Variants in CDHR1 observed in about 807,000 individuals in gnomAD.
The protein encoded by CDHR1 is cadherin-related family member 1.
Under a neutral mutation model 72.1 loss-of-function variants are expected in CDHR1, and 61 were observed. The ratio of observed to expected loss-of-function variants is 0.85; its 90% CI spans 0.69 to 1.05. CDHR1 has a LOEUF of 1.05. CDHR1 is among the 50% of genes least tolerant of loss of function. The pLI is 0.00. For synonymous variants in CDHR1, 470 were observed against 448.1 expected, an observed-to-expected ratio of 1.05 and a Z score of -0.62; for missense variants, 1,186 against 1,115.7, an observed-to-expected ratio of 1.06 and a Z score of -0.90.
intron 8 of CDHR1, among the ~76,000 whole-genome samples, chr10:84,203,652 G>A (rs1842171677): frequency 6.6e-6 from 1 of 152,202 alleles, no homozygotes; most frequent in Non-Finnish European, 1.5e-5. Context: ...CTGACCTCAG[G>A]TGATCCACCC....
chr10:84,197,787 G>A lies in CDHR1; in HGVS notation c.299G>A (p.Arg100Lys), dbSNP rs1307467040. ...ITLVEELDRE[R>K]EDEIEAIISI... ...TCACTCAGTCCCTGTGCTTCACAGAGGGAAGATGAGATTGAAGCCATCATC... is the reference window on the plus strand; with the variant it reads ...TCACTCAGTCCCTGTGCTTCACAGAAGGAAGATGAGATTGAAGCCATCATC... The change falls in exon 4 of 17, where the codon AGG (arginine) becomes AAG (lysine). Residue 100 changes from arginine (R) to lysine (K), a missense_variant and splice_region_variant. Coordinates refer to ENST00000623527, the MANE Select transcript of CDHR1 (RefSeq NM_033100.4). The A allele has an allele frequency of 1.5e-5, 25 of 1,613,892 alleles. No individual in the cohort carries two copies. The highest frequency in any genetic ancestry group is 2.0e-5 in the Non-Finnish European group (24 of 1,179,910).
chr10:84,213,640 A>G (rs371131646), intron 16 of CDHR1, among the ~76,000 whole-genome samples: 1 of 152,196 alleles, frequency 6.6e-6, no homozygotes, highest in African/African-American at 2.4e-5. Context: ...TGAAGTCATT[A>G]TGTGTAGCTC....
intron 12 of CDHR1, among the ~76,000 whole-genome samples, chr10:84,209,988 G>A (rs1249437541): frequency 6.6e-6 from 1 of 152,216 alleles, no homozygotes; most frequent in Non-Finnish European, 1.5e-5. Flanking sequence ...GGGAGGCCGA[G>A]GGGGACAGAT....
At chr10:84,200,498 A>G in intron 5 of CDHR1, 103 bp from the exon 6 acceptor site, 1 of 775,530 alleles carries the variant, frequency 1.3e-6, no homozygotes, top group Non-Finnish European at 2.3e-6. Context: ...CCTCTTTTTG[A>G]CACTTCACTC....
chr10:84,195,412 G>C (rs1842010499), intron 1 of CDHR1, 82 bp from the exon 2 acceptor site: 1 of 1,313,084 alleles, frequency 7.6e-7, no homozygotes, highest in South Asian at 1.2e-5. Flanking sequence ...GCCTGACGCG[G>C]GACCGCGCTG....
chr10:84,214,924 G>C lies in CDHR1; in HGVS notation c.*303G>C. 3 of 1,320,552 alleles carry C rather than the reference G, an allele frequency of 2.3e-6. No homozygotes were observed. Among genetic ancestry groups the C allele is most frequent in the Non-Finnish European group, 2.9e-6 (3 of 1,029,426 alleles). 81.8% of individuals were successfully genotyped at this position (1,320,552 alleles called of 1,614,324 possible). On this transcript the variant is annotated 3_prime_UTR_variant, in exon 17 of 17. Transcript: ENST00000623527. ...CCTCCATTCTTCAGGGCTGAGAATT[G>C]ACGAGAAGCCAGCTCACCCATCCCA...
chr10:84,214,164 C>T lies in CDHR1; in HGVS notation c.2123C>T (p.Thr708Ile), dbSNP rs1396301783. 1.9e-6 allele frequency: 3 copies of T among 1,614,182 alleles called. No individual in the cohort carries two copies. Residue 708 changes from threonine (T) to isoleucine (I), a missense_variant, in exon 17 of 17, where the codon ACC becomes ATC. Thr to Ile is a moderately conservative substitution (Grantham distance 89). Transcript: ENST00000623527. Reference protein sequence around the residue: ...PMKAVGVLAGTMATVVAITVL... With the variant: ...PMKAVGVLAGIMATVVAITVL... ...AAGGCCGTGGGTGTGCTGGCCGGCA[C>T]CATGGCCACCGTCGTGGCCATCACT...
intron 10 of CDHR1, 152 bp from the exon 11 acceptor site, chr10:84,208,022 C>A: frequency 1.4e-6 from 1 of 697,452 alleles, no homozygotes; most frequent in South Asian, 1.6e-5. Context: ...TGATAGCTTG[C>A]CATCTTTGCC....
chr10:84,213,322 C>T lies in CDHR1; in HGVS notation c.2014C>T (p.Leu672Phe), dbSNP rs1226667128. 1 of 1,614,228 alleles carries T rather than the reference C, an allele frequency of 6.2e-7. No homozygotes were observed. Among genetic ancestry groups the T allele is most frequent in the South Asian group, 1.1e-5 (1 of 91,082 alleles). ...CCCATCCTTCAGCACCACAGCCTTA[C>T]TCAAGATTGACATCACAGATGCTGA... The part of the protein sequence containing the change: ...GSPSFSTTAL[L>F]KIDITDAETL... The change falls in exon 16 of 17, where the codon CTC (leucine) becomes TTC (phenylalanine). Residue 672 changes from leucine (L) to phenylalanine (F), a missense_variant. Transcript: ENST00000623527.
At chr10:84,219,498 T>C, downstream of CDHR1, 1 of 590,512 alleles carries the variant, frequency 1.7e-6, no homozygotes. Flanking sequence ...ACATCCACTC[T>C]CACCTTCATG....
chr10:84,205,175 G>C (rs1358666419), intron 9 of CDHR1, among the ~76,000 whole-genome samples: 1 of 152,122 alleles, frequency 6.6e-6, no homozygotes, highest in Non-Finnish European at 1.5e-5. Context: ...CTGTCCCTGG[G>C]CCAGGCCAGG....
chr10:84,200,826 G>A (rs1290094959), intron 6 of CDHR1, 139 bp downstream of exon 6: 9 of 683,914 alleles, frequency 1.3e-5, no homozygotes, highest in Middle Eastern at 3.9e-4. Context: ...GGATGGGCAG[G>A]AGGGGATGTG....
chr10:84,203,135 T>TC lies in CDHR1; in HGVS notation c.783+17dup, dbSNP rs749433257. 6.2e-7 allele frequency: 1 copy of TC among 1,613,930 alleles called. No individual in the cohort carries two copies. The highest frequency in any genetic ancestry group is 1.1e-5 in the South Asian group (1 of 91,068). ...AGGACACCCTTCCGGTGGGTGGCTG[T>TC]CCCCCTCAGCCAGCGATCCCTCCAA... On this transcript the variant is annotated intron_variant, in intron 8 of 16. Coordinates refer to ENST00000623527, the MANE Select transcript of CDHR1 (RefSeq NM_033100.4).
chr10:84,201,820 C>T lies in CDHR1; in HGVS notation c.539C>T (p.Pro180Leu), dbSNP rs770839275. ...VTYFLQNLHS[P>L]FAVDRHSGVL... The stretch of plus-strand genomic sequence containing the variant: ...TAATTCTTATAGAACCTGCACTCCC[C>T]ATTTGCCGTGGACCGCCACAGCGGT... The change falls in exon 7 of 17, where the codon CCA becomes CTA. Residue 180 changes from proline to leucine, a missense_variant. Coordinates refer to ENST00000623527, the MANE Select transcript of CDHR1 (RefSeq NM_033100.4). The T allele has an allele frequency of 5.0e-6, 8 of 1,610,502 alleles. No homozygotes were observed. Among genetic ancestry groups the T allele is most frequent in the Non-Finnish European group, 6.8e-6 (8 of 1,179,970 alleles).
chr10:84,198,551 T>C (rs1454083606), intron 4 of CDHR1, among the ~76,000 whole-genome samples: 3 of 152,216 alleles, frequency 2.0e-5, no homozygotes, highest in Non-Finnish European at 4.4e-5. Flanking sequence ...TCTACCTCTT[T>C]CCTTCTGGCA....
chr10:84,208,477 C>T (rs1408489936), intron 11 of CDHR1, 100 bp downstream of exon 11: 16 of 1,314,592 alleles, frequency 1.2e-5, no homozygotes, highest in South Asian at 3.7e-5. Flanking sequence ...CGTATGTAGC[C>T]GGGACCAGGT....
chr10:84,203,240 A>C, intron 8 of CDHR1, 117 bp downstream of exon 8: 1 of 1,350,676 alleles, frequency 7.4e-7, no homozygotes, highest in Non-Finnish European at 1.0e-6. Flanking sequence ...CCCTCCTCAC[A>C]CAGAGGCCAG....
chr10:84,202,301 G>C (rs1460632874), intron 7 of CDHR1, among the ~76,000 whole-genome samples: 1 of 152,146 alleles, frequency 6.6e-6, no homozygotes, highest in Non-Finnish European at 1.5e-5. Context: ...CTGAGCCTCA[G>C]TTTCCTCATC....
chr10:84,218,761 A>T (rs1175305976), downstream of CDHR1: 2 of 1,010,272 alleles, frequency 2.0e-6, no homozygotes, highest in African/African-American at 3.4e-5. Context: ...TAGCCCAGAT[A>T]TCATGTTATT....
Sources: allele counts gnomAD v4.1 joint callset (sites outside exome capture counted in the v4.1 genomes callset), GRCh38; gene constraint gnomAD v4.1.1; transcripts MANE v1.5; gene names NCBI Gene and HGNC (gene_info 2026-07-23, HGNC 2026-07-21).